TEX2: variants seen among roughly 807,000 people sequenced by gnomAD.
The protein encoded by TEX2 is testis-expressed protein 2.
A neutral mutation model predicts 106.9 loss-of-function variants in TEX2; 53 were observed. The observed-to-expected ratio is 0.50, with a 90% CI of 0.40 to 0.62. TEX2 has a LOEUF of 0.62. Among genes scored for constraint, TEX2 ranks in the 20% least tolerant of loss-of-function variants. The pLI is 0.00. For synonymous variants in TEX2, 523 were observed against 534.8 expected (o/e 0.98, Z 0.30); for missense variants, 1,207 against 1,379.0 (o/e 0.88, Z 1.98).
At position 64,201,139 on chromosome 17, in the gene TEX2, C is replaced by T. The variant is rs1264876672; in HGVS notation, c.1645-6044G>A. 2.6e-5 allele frequency among the ~76,000 whole-genome samples: 4 copies of T among 152,184 alleles called. No homozygotes were observed. In the East Asian group the frequency reaches 5.8e-4, roughly 22 times the overall value. ...ACATGCGCTGAAACCAACTCACCTA[C>T]CTTAGCAGAAGTACTGGGAATCTGA... On this transcript the variant is annotated intron_variant, in intron 2 of 11. Transcript: ENST00000584379.
intron 3 of TEX2, 103 bp downstream of exon 3, chr17:64,194,792 G>A (rs879682923): frequency 7.9e-5 from 88 of 1,118,914 alleles, no homozygotes; most frequent in Admixed American, 9.5e-5. Flanking sequence ...ACTGTTCAAC[G>A]ACCACAAACC....
rs1380881118 is a variant in TEX2, at chr17:64,147,269, T to TA, written c.*1699dup. ...AATGTGGGCTGAAGATAATGGCACA[T>TA]AGTTTGAAGGATGTAGTGAGGATGG... On this transcript the variant is annotated 3_prime_UTR_variant, in exon 12 of 12. Transcript: ENST00000584379. 2 of 152,156 alleles carry TA rather than the reference T, an allele frequency of 1.3e-5. No individual in the cohort carries two copies. The highest frequency in any genetic ancestry group is 4.8e-5 in the African/African-American group (2 of 41,424). 9.4% of individuals were successfully genotyped at this position (152,156 alleles called of 1,614,324 possible).
rs569421477 is a variant in TEX2, at chr17:64,169,643, T to A, written c.2671+1457A>T. Among the ~76,000 whole-genome samples, 15 of 152,362 alleles carry A rather than the reference T, an allele frequency of 9.8e-5. No homozygotes were observed. The South Asian group carries it at 1.7e-3, about 17-fold the overall frequency. ...TGCTGGAGAGATATGCTAGAGCTGC[T>A]AACTATAGTGCTAGAAAAATCTCTT... On this transcript the variant is annotated intron_variant, in intron 7 of 11. Coordinates refer to ENST00000584379, the MANE Select transcript of TEX2 (RefSeq NM_001288732.2).
intron 2 of TEX2, 93 bp downstream of exon 2, chr17:64,212,481 A>G: frequency 8.0e-7 from 1 of 1,249,514 alleles, no homozygotes; most frequent in Non-Finnish European, 1.1e-6. Context: ...CTGTGCAAAA[A>G]TCTTTAACAG....
At position 64,188,246 on chromosome 17, in the gene TEX2, C is replaced by T. The variant is rs376537854; in HGVS notation, c.2346G>A (p.Arg782=). 45 of 1,613,732 alleles carry T rather than the reference C, an allele frequency of 2.8e-5. No homozygotes were observed. The highest frequency in any genetic ancestry group is 2.0e-4 in the African/African-American group (15 of 74,934). Residue 782 remains arginine (R), a synonymous_variant, in exon 5 of 12, where the codon AGG becomes AGA. Transcript: ENST00000584379. ...GGCTTCGGCTTTCCTGGGGGACACACCTGCCCATGTACACGCTGTAGTCGA... is the reference window on the plus strand; with the variant it reads ...GGCTTCGGCTTTCCTGGGGGACACATCTGCCCATGTACACGCTGTAGTCGA... ...MLLDYSVYMG[R]CVPQESRSPQ... is the part of the protein sequence containing the mutation.
intron 5 of TEX2, among the ~76,000 whole-genome samples, chr17:64,186,451 T>C (rs2143845367): frequency 6.6e-6 from 1 of 152,346 alleles, no homozygotes; most frequent in African/African-American, 2.4e-5. Context: ...TCTTCCACAC[T>C]GAAGAGGATC....
At chr17:64,152,845 G>T in intron 10 of TEX2, 100 bp downstream of exon 10, 1 of 1,221,464 alleles carries the variant, frequency 8.2e-7, no homozygotes, top group South Asian at 1.5e-5. Flanking sequence ...TTCTGCCCGG[G>T]AGAAGGTACT....
At chr17:64,218,108 C>T (rs1359806898) in intron 1 of TEX2, among the ~76,000 whole-genome samples, 2 of 152,008 alleles carry the variant, frequency 1.3e-5, no homozygotes, top group African/African-American at 2.4e-5. Flanking sequence ...TGGCTGGGCA[C>T]GGTGGCTCAC....
At chr17:64,176,775 G>T (rs1249693326) in intron 6 of TEX2, among the ~76,000 whole-genome samples, 1 of 152,178 alleles carries the variant, frequency 6.6e-6, no homozygotes, top group African/African-American at 2.4e-5. Context: ...AAAGTGCAAT[G>T]CTAACTTTCC....
In TEX2 at chr17:64,194,965, G is replaced by A; in HGVS notation, c.1775C>T (p.Ala592Val). The change falls in exon 3 of 12, where the codon GCC becomes GTC. Residue 592 changes from alanine to valine, a missense_variant. Ala to Val is a moderately conservative substitution (Grantham distance 64). Coordinates refer to ENST00000584379, the MANE Select transcript of TEX2 (RefSeq NM_001288732.2). ...SKPNKNISRRASYNEPKPEVT... is the reference protein window; with the variant it reads ...SKPNKNISRRVSYNEPKPEVT... The stretch of plus-strand genomic sequence containing the variant: ...CTCTGGCTTGGGTTCATTGTAGCTG[G>A]CCCTCCTGGATATATTTTTATTGGG... 1 of 1,614,120 alleles carries A rather than the reference G, an allele frequency of 6.2e-7. No homozygotes were observed. Among genetic ancestry groups the A allele is most frequent in the Non-Finnish European group, 8.5e-7 (1 of 1,180,010 alleles).
Position 64,233,148 on chromosome 17 carries a change from A to G in TEX2, c.-25-18906T>C, listed in dbSNP as rs567315888. On this transcript the variant is annotated intron_variant, in intron 1 of 11. Transcript: ENST00000584379. The stretch of plus-strand genomic sequence containing the variant: ...TTAATTCCCCAGTCATCATAAGCCT[A>G]TATGTGCACAACCACACACACAACT... Among the ~76,000 whole-genome samples the G allele has an allele frequency of 6.6e-5, 10 of 152,220 alleles. No homozygotes were observed. The East Asian group carries it at 9.7e-4, about 15-fold the overall frequency.
At chr17:64,181,468 A>G (rs12936521) in intron 5 of TEX2, among the ~76,000 whole-genome samples, 97,795 of 134,132 alleles carry the variant, frequency 0.73, 35,530 homozygotes, top group East Asian at 0.83. Flanking sequence ...GAGCAAGGCT[A>G]TCTCAAAAAA....
chr17:64,240,711 CTCT>C (rs1344555266), intron 1 of TEX2, among the ~76,000 whole-genome samples: 1 of 152,180 alleles, frequency 6.6e-6, no homozygotes, highest in African/African-American at 2.4e-5. Flanking sequence ...TGGCTAGTCC[CTCT>C]TCTTCCTTGA....
At chr17:64,237,797 C>G (rs1555635285) in intron 1 of TEX2, among the ~76,000 whole-genome samples, 1 of 152,090 alleles carries the variant, frequency 6.6e-6, no homozygotes, top group East Asian at 1.9e-4. Flanking sequence ...TTCTGAGATA[C>G]TTGGTGACCT....
chr17:64,169,365 G>A (rs1483799561), intron 7 of TEX2, among the ~76,000 whole-genome samples: 1 of 152,126 alleles, frequency 6.6e-6, no homozygotes, highest in African/African-American at 2.4e-5. Context: ...TTTTGCATGG[G>A]GTTAAAAACA....
chr17:64,223,251 C>T (rs1411393818), intron 1 of TEX2, among the ~76,000 whole-genome samples: 1 of 151,830 alleles, frequency 6.6e-6, no homozygotes, highest in East Asian at 1.9e-4. Flanking sequence ...CCATGAAAAA[C>T]CAATCAACAA....
intron 7 of TEX2, 22 bp downstream of exon 7, chr17:64,171,078 A>T (rs2031372233): frequency 6.3e-7 from 1 of 1,590,546 alleles, no homozygotes; most frequent in Non-Finnish European, 8.6e-7. Context: ...TAACACTCAT[A>T]GAATGGTCAG....
At chr17:64,216,304 T>A (rs1555632647) in intron 1 of TEX2, among the ~76,000 whole-genome samples, 1 of 152,222 alleles carries the variant, frequency 6.6e-6, no homozygotes, top group Non-Finnish European at 1.5e-5. Flanking sequence ...CCTAGTTTTA[T>A]AAGGGCAATT....
rs78096176 is a variant in TEX2, at chr17:64,209,385, G to T, written c.1644+3189C>A. Among the ~76,000 whole-genome samples the T allele has an allele frequency of 5.2e-3, 795 of 152,168 alleles. 11 individuals carry two copies. Among genetic ancestry groups the T allele is most frequent in the African/African-American group, 0.018 (734 of 41,526 alleles). ...CAGCCCAGTTTCTAAAAACAACACC[G>T]CATACCCAACAAAAGACTTCAGGCT... On this transcript the variant is annotated intron_variant, in intron 2 of 11. Coordinates refer to ENST00000584379, the MANE Select transcript of TEX2 (RefSeq NM_001288732.2).
Sources: allele counts gnomAD v4.1 joint callset (sites outside exome capture counted in the v4.1 genomes callset), GRCh38; gene constraint gnomAD v4.1.1; transcripts MANE v1.5; gene names NCBI Gene and HGNC (gene_info 2026-07-23, HGNC 2026-07-21).